AKAP6: variants seen among roughly 807,000 people sequenced by gnomAD.
AKAP6 encodes the protein A-kinase anchoring protein 6.
A neutral mutation model predicts 188.5 loss-of-function variants in AKAP6; 58 were observed. The observed-to-expected ratio is 0.31, with a 90% confidence interval of 0.25 to 0.38. The LOEUF is 0.38. Among genes scored for constraint, AKAP6 ranks in the 10% least tolerant of loss-of-function variants. AKAP6 has a pLI of 1.00. For synonymous variants in AKAP6, 989 were observed against 998.6 expected (o/e 0.99, Z 0.18); for missense variants, 2,710 against 2,740.0 (o/e 0.99, Z 0.24).
intron 8 of AKAP6, among the ~76,000 whole-genome samples, chr14:32,681,677 A>T (rs78256092): frequency 0.012 from 1,628 of 138,190 alleles, 30 homozygotes; most frequent in African/African-American, 0.042. Flanking sequence ...AATTTGACAA[A>T]TTTTTTTTTT....
intron 7 of AKAP6, among the ~76,000 whole-genome samples, chr14:32,644,821 A>G (rs185395237): frequency 6.6e-6 from 1 of 152,260 alleles, no homozygotes; most frequent in East Asian, 1.9e-4. Flanking sequence ...ATTCACAAAG[A>G]GCTCAATAGT....
chr14:32,660,828 G>GTTTCTTAA (rs1464943636), intron 7 of AKAP6, among the ~76,000 whole-genome samples: 1 of 150,676 alleles, frequency 6.6e-6, no homozygotes, highest in Non-Finnish European at 1.5e-5. Context: ...CACCATTCCT[G>GTTTCTTAA]TTTCTTAATT....
intron 9 of AKAP6, among the ~76,000 whole-genome samples, chr14:32,709,315 A>AT (rs35211792): frequency 0.22 from 33,039 of 148,722 alleles, 3,544 homozygotes; most frequent in Non-Finnish European, 0.23. Context: ...GAGCACAACG[A>AT]TTTTTTTTTT....
At chr14:32,631,995 C>T (rs539206273) in intron 7 of AKAP6, among the ~76,000 whole-genome samples, 1 of 151,996 alleles carries the variant, frequency 6.6e-6, no homozygotes, top group African/African-American at 2.4e-5. Flanking sequence ...ACTTTCTCTT[C>T]CCAATGTTAG....
chr14:32,419,057 T>C (rs1162359038), intron 1 of AKAP6, among the ~76,000 whole-genome samples: 4 of 152,216 alleles, frequency 2.6e-5, no homozygotes, highest in African/African-American at 9.6e-5. Context: ...AGGTGGCTAA[T>C]TAAGCTGAAA....
intron 2 of AKAP6, among the ~76,000 whole-genome samples, chr14:32,441,768 C>T (rs771347059): frequency 6.6e-6 from 1 of 152,062 alleles, no homozygotes; most frequent in African/African-American, 2.4e-5. Flanking sequence ...GATTGTATAG[C>T]TGTGTAATTT....
intron 5 of AKAP6, among the ~76,000 whole-genome samples, chr14:32,586,327 T>C (rs1040419196): frequency 6.6e-6 from 1 of 152,180 alleles, no homozygotes; most frequent in African/African-American, 2.4e-5. Context: ...TTCTGATTTA[T>C]TTCAGGTATT....
intron 1 of AKAP6, among the ~76,000 whole-genome samples, chr14:32,343,565 C>A (rs149728634): frequency 1.3e-5 from 2 of 151,138 alleles, no homozygotes; most frequent in Non-Finnish European, 3.0e-5. Context: ...TGGCTAACAC[C>A]GTGAAACCCC....
At chr14:32,432,057 T>A (rs1015417381) in intron 1 of AKAP6, among the ~76,000 whole-genome samples, 1 of 152,204 alleles carries the variant, frequency 6.6e-6, no homozygotes, top group Non-Finnish European at 1.5e-5. Context: ...AAAATAATTT[T>A]GCTTTTCTTT....
intron 7 of AKAP6, among the ~76,000 whole-genome samples, chr14:32,635,450 G>A (rs1362753417): frequency 6.6e-6 from 1 of 152,024 alleles, no homozygotes; most frequent in Non-Finnish European, 1.5e-5. Context: ...CATGATACAA[G>A]CATATCACTG....
chr14:32,814,215 G>A (rs1367554976), intron 12 of AKAP6, among the ~76,000 whole-genome samples: 1 of 152,144 alleles, frequency 6.6e-6, no homozygotes, highest in Non-Finnish European at 1.5e-5. Context: ...CGTTTATTCA[G>A]TGGCTTTCCC....
chr14:32,415,697 T>G (rs1034819251), intron 1 of AKAP6, among the ~76,000 whole-genome samples: 3 of 152,156 alleles, frequency 2.0e-5, no homozygotes, highest in East Asian at 3.8e-4. Flanking sequence ...CATTTCATTC[T>G]TCCCTTAGCC....
At chr14:32,674,026 G>C (rs1018831257) in intron 7 of AKAP6, among the ~76,000 whole-genome samples, 12 of 152,186 alleles carry the variant, frequency 7.9e-5, no homozygotes, top group Admixed American at 2.0e-4. Flanking sequence ...GTTAGGCAAG[G>C]CCTCTCTGAG....
At chr14:32,437,180 C>G (rs1370935892) in intron 2 of AKAP6, among the ~76,000 whole-genome samples, 1 of 152,150 alleles carries the variant, frequency 6.6e-6, no homozygotes, top group African/African-American at 2.4e-5. Context: ...TGTTACATGG[C>G]AGATTCTGGA....
chr14:32,710,955 A>G (rs1005544033), intron 9 of AKAP6, among the ~76,000 whole-genome samples: 1 of 152,086 alleles, frequency 6.6e-6, no homozygotes, highest in Admixed American at 6.6e-5. Flanking sequence ...CTTTTACGCA[A>G]TGGTAGAGTT....
chr14:32,707,302 C>A (rs556376318), intron 9 of AKAP6, among the ~76,000 whole-genome samples: 99 of 152,088 alleles, frequency 6.5e-4, no homozygotes, highest in African/African-American at 2.3e-3. Flanking sequence ...TACAAAATTC[C>A]TTCATATATG....
chr14:32,679,516 G>C (rs185950673), intron 8 of AKAP6, among the ~76,000 whole-genome samples: 22 of 152,184 alleles, frequency 1.4e-4, no homozygotes, highest in African/African-American at 4.6e-4. Context: ...TCATGCACTG[G>C]TTTGCATTTA....
chr14:32,388,393 T>A (rs1312407116), intron 1 of AKAP6, among the ~76,000 whole-genome samples: 1 of 152,100 alleles, frequency 6.6e-6, no homozygotes, highest in African/African-American at 2.4e-5. Flanking sequence ...ATTTCCTTTC[T>A]TCTGCTGGGT....
rs943532787 is a variant in AKAP6 at position 32,836,728 on chromosome 14, C to A, written c.*6923C>A. On this transcript the variant is annotated 3_prime_UTR_variant, in exon 14 of 14. Transcript: ENST00000280979. ...GTGACACCATATTTAAGAGCCACTG[C>A]TATTGAGGCTTGCACTCTCTTGCTT... 1 of 152,060 alleles carries A rather than the reference C, an allele frequency of 6.6e-6. No individual in the cohort carries two copies. The highest frequency in any genetic ancestry group is 1.5e-5 in the Non-Finnish European group (1 of 68,030). 9.4% of individuals were successfully genotyped at this position (152,060 alleles called of 1,614,324 possible). A position where few individuals can be genotyped will look rare whatever the true frequency, so the allele number is the denominator to read the frequency against.
Sources: allele counts gnomAD v4.1 joint callset (sites outside exome capture counted in the v4.1 genomes callset), GRCh38; gene constraint gnomAD v4.1.1; transcripts MANE v1.5; gene names NCBI Gene and HGNC (gene_info 2026-07-23, HGNC 2026-07-21).